LRRIQ3: variants seen among roughly 807,000 people sequenced by gnomAD.
LRRIQ3 encodes leucine rich repeats and IQ motif containing 3, also known as leucine-rich repeat and IQ domain-containing protein 3.
A neutral mutation model predicts 59.3 loss-of-function variants in LRRIQ3; 75 were observed. The ratio of observed to expected loss-of-function variants is 1.26; its 90% CI spans 1.05 to 1.53. The LOEUF (loss-of-function observed/expected upper bound fraction) is 1.53. Among genes scored for constraint, LRRIQ3 ranks in the 40% most tolerant of loss-of-function variants. The pLI, the probability that LRRIQ3 is intolerant of heterozygous loss-of-function variation, is 0.00. For synonymous variants in LRRIQ3, 250 were observed against 231.3 expected, an observed-to-expected ratio of 1.08 and a Z score of -0.73; for missense variants, 831 against 710.0, an observed-to-expected ratio of 1.17 and a Z score of -1.94.
intron 7 of LRRIQ3, among the ~76,000 whole-genome samples, chr1:74,038,064 C>A (rs1324614835): frequency 6.6e-6 from 1 of 152,302 alleles, no homozygotes; most frequent in Non-Finnish European, 1.5e-5. Flanking sequence ...CATTAAGCTC[C>A]CAGGGCGGGT....
At position 74,182,629 on chromosome 1, in the gene LRRIQ3, T is replaced by A; in HGVS notation, c.482A>T (p.Asp161Val). Residue 161 changes from aspartate (D) to valine (V), a missense_variant, in exon 3 of 8, where the codon GAT (aspartate) becomes GTT (valine). Asp to Val is a radical substitution (Grantham distance 152). Transcript: ENST00000354431. The stretch of plus-strand genomic sequence containing the variant: ...ATGCCAGTTCTGAATTATTTCTTCA[T>A]CAGAAATCACATGATGATCCAGCGC... The part of the protein sequence containing the change: ...LKALDHHVIS[D>V]EEIIQNWHLP... 1 of 1,610,238 alleles carries A rather than the reference T, an allele frequency of 6.2e-7. No homozygotes were observed. Among genetic ancestry groups the A allele is most frequent in the Non-Finnish European group, 8.5e-7 (1 of 1,177,704 alleles).
chr1:74,174,732 G>T (rs570793741), intron 3 of LRRIQ3, among the ~76,000 whole-genome samples: 1 of 151,468 alleles, frequency 6.6e-6, no homozygotes, highest in African/African-American at 2.4e-5. Flanking sequence ...ATTTCTTGTT[G>T]GTTAATAGTT....
chr1:74,159,867 C>T (rs886925886), intron 3 of LRRIQ3, among the ~76,000 whole-genome samples: 2 of 152,022 alleles, frequency 1.3e-5, no homozygotes, highest in African/African-American at 2.4e-5. Context: ...AACGATTCTT[C>T]GTCGTGTCAA....
chr1:74,121,759 G>T (rs921550927), intron 4 of LRRIQ3, among the ~76,000 whole-genome samples: 1 of 113,820 alleles, frequency 8.8e-6, no homozygotes, highest in African/African-American at 3.6e-5. Flanking sequence ...ACAGGCCCCA[G>T]TGTGTGATGT....
chr1:74,062,990 T>C (rs554497991), intron 6 of LRRIQ3, among the ~76,000 whole-genome samples: 2 of 151,692 alleles, frequency 1.3e-5, no homozygotes, highest in African/African-American at 4.8e-5. Context: ...AAAATAGAAG[T>C]TAAAAATAGA....
Position 74,198,090 on chromosome 1 carries a change from G to C in LRRIQ3, c.-95C>G. Reference sequence around the variant, plus strand: ...TCGCTGGGCGGCCATCTGCTCCTGAGACCGTTGCTAGAGAAACAAGACAAC... The same window carrying C: ...TCGCTGGGCGGCCATCTGCTCCTGACACCGTTGCTAGAGAAACAAGACAAC... On this transcript the variant is annotated 5_prime_UTR_variant, in exon 1 of 8. Coordinates refer to ENST00000354431, the MANE Select transcript of LRRIQ3 (RefSeq NM_001105659.2). 7.8e-7 allele frequency: 1 copy of C among 1,274,530 alleles called. No homozygotes were observed. Among genetic ancestry groups the C allele is most frequent in the Non-Finnish European group, 1.0e-6 (1 of 956,918 alleles). The allele number at this position is 1,274,530 out of a possible 1,614,324, so 79.0% of individuals were successfully genotyped here.
chr1:74,046,961 A>G (rs1336477953), intron 6 of LRRIQ3, among the ~76,000 whole-genome samples: 1 of 152,178 alleles, frequency 6.6e-6, no homozygotes, highest in Non-Finnish European at 1.5e-5. Flanking sequence ...CAGATGCTGG[A>G]GAGGATGTGG....
At chr1:74,063,724 T>C (rs186980033) in intron 6 of LRRIQ3, among the ~76,000 whole-genome samples, 1 of 152,154 alleles carries the variant, frequency 6.6e-6, no homozygotes, top group Admixed American at 6.6e-5. Context: ...TCTCTGATGA[T>C]TGCTGTTTGC....
At chr1:74,044,289 A>G (rs1654134124) in intron 6 of LRRIQ3, among the ~76,000 whole-genome samples, 1 of 152,050 alleles carries the variant, frequency 6.6e-6, no homozygotes, top group African/African-American at 2.4e-5. Context: ...AATGTTGGAT[A>G]TTGGGCCTAG....
intron 7 of LRRIQ3, among the ~76,000 whole-genome samples, chr1:74,036,348 C>T (rs887554301): frequency 1.3e-5 from 2 of 152,116 alleles, no homozygotes; most frequent in Admixed American, 1.3e-4. Context: ...TTGCTTGGTA[C>T]CCCTCATCCC....
chr1:74,040,514 A>C (rs1458923816), intron 7 of LRRIQ3, among the ~76,000 whole-genome samples: 1 of 152,220 alleles, frequency 6.6e-6, no homozygotes, highest in Non-Finnish European at 1.5e-5. Flanking sequence ...CATGGCACTT[A>C]TTCTAAAATT....
intron 5 of LRRIQ3, among the ~76,000 whole-genome samples, chr1:74,090,326 GT>G (rs35791047): frequency 6.7e-6 from 1 of 149,986 alleles, no homozygotes; most frequent in African/African-American, 2.4e-5. Context: ...CTACAAAATA[GT>G]TTTTTTTTTA....
At chr1:74,164,910 A>G (rs1648883492) in intron 3 of LRRIQ3, among the ~76,000 whole-genome samples, 1 of 151,518 alleles carries the variant, frequency 6.6e-6, no homozygotes, top group African/African-American at 2.4e-5. Flanking sequence ...AGGACCATTT[A>G]TTGAAAAGAC....
chr1:74,046,549 A>G (rs1156510791), intron 6 of LRRIQ3, among the ~76,000 whole-genome samples: 1 of 152,226 alleles, frequency 6.6e-6, no homozygotes, highest in Non-Finnish European at 1.5e-5. Flanking sequence ...CAAAGGCTTC[A>G]TGACTAAAAC....
chr1:74,063,690 T>TC (rs1654792621), intron 6 of LRRIQ3, among the ~76,000 whole-genome samples: 1 of 152,060 alleles, frequency 6.6e-6, no homozygotes, highest in African/African-American at 2.4e-5. Context: ...TTTTTTTGAC[T>TC]GACATTAATA....
At chr1:74,076,308 A>C (rs1415851655) in intron 5 of LRRIQ3, among the ~76,000 whole-genome samples, 1 of 152,160 alleles carries the variant, frequency 6.6e-6, no homozygotes, top group Non-Finnish European at 1.5e-5. Context: ...GAACATTTAC[A>C]TAGCGCTTAT....
At chr1:74,097,698 G>A (rs940651385) in intron 5 of LRRIQ3, among the ~76,000 whole-genome samples, 3 of 152,214 alleles carry the variant, frequency 2.0e-5, no homozygotes, top group African/African-American at 7.2e-5. Context: ...CAGACAAACA[G>A]TGGATCTCTC....
intron 4 of LRRIQ3, among the ~76,000 whole-genome samples, chr1:74,137,940 CA>C (rs1444771851): frequency 3.4e-5 from 5 of 148,164 alleles, no homozygotes; most frequent in Admixed American, 2.7e-4. Flanking sequence ...CGGGGCCTGT[CA>C]GGGGGTGGGA....
At chr1:74,094,747 A>G (rs1168830829) in intron 5 of LRRIQ3, among the ~76,000 whole-genome samples, 1 of 152,078 alleles carries the variant, frequency 6.6e-6, no homozygotes, top group Non-Finnish European at 1.5e-5. Flanking sequence ...GAGATATGAT[A>G]GATATTAGAG....
Sources: allele counts gnomAD v4.1 joint callset (sites outside exome capture counted in the v4.1 genomes callset), GRCh38; gene constraint gnomAD v4.1.1; transcripts MANE v1.5; gene names NCBI Gene and HGNC (gene_info 2026-07-23, HGNC 2026-07-21).